Variants in CACNA1B observed in about 807,000 individuals in gnomAD.
The protein encoded by CACNA1B is calcium voltage-gated channel subunit alpha1 B.
CACNA1B carries 70 observed loss-of-function variants against 247.2 expected under a neutral mutation model. The observed-to-expected ratio is 0.28, with a 90% CI of 0.23 to 0.35. CACNA1B has a LOEUF of 0.35. CACNA1B is among the 10% of genes least tolerant of loss of function. CACNA1B has a pLI of 1.00. For missense variants in CACNA1B, 2,367 were observed against 3,197.4 expected, an observed-to-expected ratio of 0.74 and a Z score of 6.26; for synonymous variants, 1,231 against 1,294.4, an observed-to-expected ratio of 0.95 and a Z score of 1.05.
At chr9:137,878,259 G>C (rs867862787) in intron 1 of CACNA1B, 42 bp downstream of exon 1, 5 of 1,168,070 alleles carry the variant, frequency 4.3e-6, no homozygotes, top group African/African-American at 1.6e-5. Flanking sequence ...GGCGGGGACC[G>C]GGGTGGGGGC....
In CACNA1B at chr9:138,120,281, G is replaced by A. The variant is rs201941882; in HGVS notation, c.6147G>A (p.Ser2049=). 3.3e-4 allele frequency: 516 copies of A among 1,580,526 alleles called. 4 individuals carry two copies. In the East Asian group the frequency reaches 3.9e-3, roughly 12 times the overall value. The change falls in exon 45 of 47, where the codon TCG becomes TCA. Residue 2049 remains serine, a synonymous_variant. Coordinates refer to ENST00000371372, the MANE Select transcript of CACNA1B (RefSeq NM_000718.4). ...PDRPPPSQAS[S]HHHHHRCHRR... Reference sequence around the variant, plus strand: ...GCCCACCCCCTAGCCAGGCGTCGTCGCACCACCACCACCACCGCTGCCACC... The same window carrying A: ...GCCCACCCCCTAGCCAGGCGTCGTCACACCACCACCACCACCGCTGCCACC...
intron 10 of CACNA1B, among the ~76,000 whole-genome samples, chr9:137,966,682 G>A (rs1458567472): frequency 2.0e-5 from 3 of 151,926 alleles, no homozygotes; most frequent in Non-Finnish European, 4.4e-5. Context: ...GGGACTACAG[G>A]CACGTGCCAC....
intron 6 of CACNA1B, among the ~76,000 whole-genome samples, chr9:137,928,460 A>G (rs1480534369): frequency 6.6e-6 from 1 of 152,214 alleles, no homozygotes; most frequent in Non-Finnish European, 1.5e-5. Flanking sequence ...CACAAGCTTC[A>G]TAAAATAAAT....
intron 34 of CACNA1B, among the ~76,000 whole-genome samples, chr9:138,074,798 C>T (rs1960257812): frequency 6.6e-6 from 1 of 152,206 alleles, no homozygotes; most frequent in Non-Finnish European, 1.5e-5. Context: ...GCTGTGTTTG[C>T]CGAGTGGCTT....
chr9:137,960,519 G>A lies in CACNA1B; in HGVS notation c.1333+2832G>A, dbSNP rs1435529625. Among the ~76,000 whole-genome samples the A allele has an allele frequency of 3.5e-5, 5 of 142,484 alleles. No individual in the cohort carries two copies. In the Admixed American group the frequency reaches 3.6e-4, roughly 10 times the overall value. The allele number at this position is 142,484 out of a possible 152,430, so 93.5% of individuals were successfully genotyped here. ...GCCGCCAGGGAGGGGAGGTCAGCCT[G>A]AGGGATGCCCAGGGGAGAGAGGGGA... On this transcript the variant is annotated intron_variant, in intron 10 of 46. Coordinates refer to ENST00000371372, the MANE Select transcript of CACNA1B (RefSeq NM_000718.4).
chr9:138,059,227 T>C lies in CACNA1B; in HGVS notation c.4584+38T>C. On this transcript the variant is annotated intron_variant, in intron 30 of 46. Transcript: ENST00000371372. The surrounding 1 kb of genome is among the most constrained non-coding windows in gnomAD (Gnocchi z 4.2). The stretch of plus-strand genomic sequence containing the variant: ...GTCCCTGCTTTGCCTTTTGACAACC[T>C]ATATTCTGGTTCCCCATCTGTAGGG... The C allele has an allele frequency of 1.6e-6, 2 of 1,255,676 alleles. No homozygotes were observed. The highest frequency in any genetic ancestry group is 1.2e-5 in the South Asian group (1 of 81,442). 77.8% of individuals were successfully genotyped at this position (1,255,676 alleles called of 1,614,324 possible).
chr9:137,887,989 G>T (rs1395179769), intron 3 of CACNA1B, among the ~76,000 whole-genome samples: 1 of 151,618 alleles, frequency 6.6e-6, no homozygotes, highest in Non-Finnish European at 1.5e-5. Context: ...CTCCAGCAGG[G>T]GAGAGGCTGG....
chr9:137,943,646 G>A (rs1957760147), intron 6 of CACNA1B, among the ~76,000 whole-genome samples: 1 of 152,170 alleles, frequency 6.6e-6, no homozygotes, highest in African/African-American at 2.4e-5. Context: ...GGAAGAAGGG[G>A]TCAGGGGGCT....
In CACNA1B at chr9:138,016,739, C is replaced by T. The variant is rs1363377343; in HGVS notation, c.2267+3504C>T. ...GTCTATGCTGCCCCATCTTGAGGGC[C>T]GGGAGACCGTGCAGTCAGCCTCCCG... On this transcript the variant is annotated intron_variant, in intron 18 of 46. Coordinates refer to ENST00000371372, the MANE Select transcript of CACNA1B (RefSeq NM_000718.4). Among the ~76,000 whole-genome samples, 8 of 152,262 alleles carry T rather than the reference C, an allele frequency of 5.3e-5. No individual in the cohort carries two copies. In the South Asian group the frequency reaches 6.2e-4, roughly 12 times the overall value.
At chr9:137,904,633 G>A (rs1253919089) in intron 3 of CACNA1B, among the ~76,000 whole-genome samples, 3 of 151,984 alleles carry the variant, frequency 2.0e-5, no homozygotes, top group Admixed American at 6.6e-5. Flanking sequence ...CTCTCAAAGG[G>A]CTACGATTAC....
At chr9:137,889,441 A>G (rs1444086889) in intron 3 of CACNA1B, among the ~76,000 whole-genome samples, 1 of 147,218 alleles carries the variant, frequency 6.8e-6, no homozygotes, top group African/African-American at 2.5e-5. Flanking sequence ...GAGTTCTGAC[A>G]AGTCCCTGGA....
chr9:137,906,558 T>C (rs1263134751), intron 3 of CACNA1B, among the ~76,000 whole-genome samples: 1 of 152,046 alleles, frequency 6.6e-6, no homozygotes, highest in Non-Finnish European at 1.5e-5. Context: ...TGCATCCCCG[T>C]GTGATGCCTT....
Position 138,119,360 on chromosome 9 carries a change from C to T in CACNA1B, c.6030+592C>T, listed in dbSNP as rs562294316. Among the ~76,000 whole-genome samples, 93 of 152,210 alleles carry T rather than the reference C, an allele frequency of 6.1e-4. 1 individual carries two copies. The highest frequency in any genetic ancestry group is 2.0e-3 in the African/African-American group (85 of 41,534). On this transcript the variant is annotated intron_variant, in intron 44 of 46. Coordinates refer to ENST00000371372, the MANE Select transcript of CACNA1B (RefSeq NM_000718.4). Reference sequence around the variant, plus strand: ...AAGGACACTGGGAGGATCGCCCCTCCGAGGCCAATCTGGGAACACTGTGCC... The same window carrying T: ...AAGGACACTGGGAGGATCGCCCCTCTGAGGCCAATCTGGGAACACTGTGCC...
At chr9:137,959,229 G>A (rs1229936574) in intron 10 of CACNA1B, among the ~76,000 whole-genome samples, 1 of 151,970 alleles carries the variant, frequency 6.6e-6, no homozygotes, top group East Asian at 1.9e-4. Context: ...TGCACCAACT[G>A]CCCAGCTAAT....
chr9:138,091,003 C>T (rs1960860962), intron 36 of CACNA1B, among the ~76,000 whole-genome samples: 1 of 152,076 alleles, frequency 6.6e-6, no homozygotes, highest in South Asian at 2.1e-4. Flanking sequence ...GAAAATAGAA[C>T]TACTGTGTGT....
rs1959188924 is a variant in CACNA1B, at chr9:138,046,743, C to T, written c.3414-161C>T. 2.6e-5 allele frequency among the ~76,000 whole-genome samples: 4 copies of T among 152,232 alleles called. No individual in the cohort carries two copies. The South Asian group carries it at 8.3e-4, about 31-fold the overall frequency. On this transcript the variant is annotated intron_variant, in intron 21 of 46. Coordinates refer to ENST00000371372, the MANE Select transcript of CACNA1B (RefSeq NM_000718.4). ...CAGCCACTGTCCGTCACCTGGCTGC[C>T]ACCACCAACCACAGGGACCATTAGC...
At chr9:138,099,449 A>G (rs770443228) in intron 37 of CACNA1B, among the ~76,000 whole-genome samples, 3 of 151,912 alleles carry the variant, frequency 2.0e-5, no homozygotes, top group Non-Finnish European at 2.9e-5. Flanking sequence ...GCATATGCCC[A>G]TGTGTGCATG....
intron 15 of CACNA1B, among the ~76,000 whole-genome samples, chr9:137,999,691 A>C (rs573766643): frequency 5.8e-4 from 88 of 151,930 alleles, no homozygotes; most frequent in African/African-American, 2.0e-3. Context: ...TATTTTTTGT[A>C]GAGACGTGGT....
intron 18 of CACNA1B, among the ~76,000 whole-genome samples, chr9:138,022,783 T>C (rs1958861812): frequency 7.0e-6 from 1 of 142,604 alleles, no homozygotes; most frequent in East Asian, 2.2e-4. Flanking sequence ...TGCTTTCACC[T>C]TGCGGGTCCT....
Sources: gnomAD v4.1 joint callset for allele counts (sites outside exome capture counted in the v4.1 genomes callset) on GRCh38, gnomAD v4.1.1 for gene constraint, Gnocchi (gnomAD v3.1) non-coding constraint, MANE v1.5 for transcripts, NCBI Gene and HGNC (gene_info 2026-07-23, HGNC 2026-07-21) for gene names.